CRIM1: variants seen among roughly 807,000 people sequenced by gnomAD.
CRIM1 encodes the protein cysteine rich transmembrane BMP regulator 1.
Under a neutral mutation model 116.4 loss-of-function variants are expected in CRIM1, and 32 were observed. The observed-to-expected ratio is 0.27, with a 90% CI of 0.21 to 0.37. The LOEUF (loss-of-function observed/expected upper bound fraction) is 0.37, where lower values mean the gene tolerates loss of function less well. Among genes scored for constraint, CRIM1 ranks in the 10% least tolerant of loss-of-function variants. CRIM1 has a pLI of 1.00. For missense variants in CRIM1, 1,331 were observed against 1,354.8 expected, an observed-to-expected ratio of 0.98 and a Z score of 0.28; for synonymous variants, 590 against 509.2, an observed-to-expected ratio of 1.16 and a Z score of -2.13.
At chr2:36,459,455 AC>A (rs763300915) in intron 4 of CRIM1, among the ~76,000 whole-genome samples, 6 of 152,136 alleles carry the variant, frequency 3.9e-5, no homozygotes, top group Non-Finnish European at 8.8e-5. Flanking sequence ...TTGGTTGGGT[AC>A]CTTTATCATT....
chr2:36,510,952 G>T (rs554605807), intron 9 of CRIM1, among the ~76,000 whole-genome samples: 95 of 145,454 alleles, frequency 6.5e-4, no homozygotes, highest in Non-Finnish European at 1.2e-3. Context: ...TTCAGGCAGG[G>T]TAGTGCTCTG....
Position 36,513,628 on chromosome 2 carries a change from A to G in CRIM1, c.1853A>G (p.Asn618Ser), listed in dbSNP as rs1011936164. ...ACCGTGGATGGTCATCATCATAAAA[A>G]TGAGGAGAGCTGGCACGATGGGTGC... ...CLTVDGHHHK[N>S]EESWHDGCRE... Residue 618 changes from asparagine to serine, a missense_variant, in exon 11 of 17, where the codon AAT becomes AGT. Coordinates refer to ENST00000280527, the MANE Select transcript of CRIM1 (RefSeq NM_016441.3). 1 of 1,614,062 alleles carries G rather than the reference A, an allele frequency of 6.2e-7. No homozygotes were observed. The highest frequency in any genetic ancestry group is 1.3e-5 in the African/African-American group (1 of 74,934).
chr2:36,436,646 CAG>C (rs1486788810), intron 2 of CRIM1, among the ~76,000 whole-genome samples: 4 of 152,026 alleles, frequency 2.6e-5, no homozygotes, highest in Non-Finnish European at 4.4e-5. Flanking sequence ...ATGTAATAAA[CAG>C]AGGATATATG....
intron 7 of CRIM1, among the ~76,000 whole-genome samples, chr2:36,495,937 C>CT (rs756501939): frequency 6.6e-6 from 1 of 152,096 alleles, no homozygotes; most frequent in African/African-American, 2.4e-5. Flanking sequence ...TCATGGAAAT[C>CT]TAACTACTCT....
chr2:36,485,638 A>G (rs1350435538), intron 7 of CRIM1, among the ~76,000 whole-genome samples: 1 of 152,180 alleles, frequency 6.6e-6, no homozygotes, highest in Non-Finnish European at 1.5e-5. Flanking sequence ...ACAGTATCTC[A>G]AATGATTAAG....
rs1375921446 is a variant in CRIM1 at position 36,513,773 on chromosome 2, C to T, written c.1990+8C>T. 3.1e-6 allele frequency: 5 copies of T among 1,612,606 alleles called. No individual in the cohort carries two copies. Among genetic ancestry groups the T allele is most frequent in the Admixed American group, 1.7e-5 (1 of 59,920 alleles). On this transcript the variant is annotated splice_region_variant and intron_variant, in intron 11 of 16. Transcript: ENST00000280527. ...GCTGCCCATCATGTGCAGGTAAAAG[C>T]TGGCTGCCATCTGTGTGCTCCATAA...
At chr2:36,430,382 A>G (rs1674790725) in intron 2 of CRIM1, among the ~76,000 whole-genome samples, 1 of 152,218 alleles carries the variant, frequency 6.6e-6, no homozygotes, top group Non-Finnish European at 1.5e-5. Context: ...CTATTTTGGT[A>G]GTTGAAGTTT....
In CRIM1 at chr2:36,512,269, C is replaced by A; in HGVS notation, c.1659-4C>A. 6.2e-7 allele frequency: 1 copy of A among 1,611,264 alleles called. No homozygotes were observed. ...TGACCTCTGACAAAATTTTAATTAC[C>A]CAGGAAGAATAAGCACGGCTGTGAC... On this transcript the variant is annotated splice_region_variant and splice_polypyrimidine_tract_variant and intron_variant, in intron 9 of 16. Coordinates refer to ENST00000280527, the MANE Select transcript of CRIM1 (RefSeq NM_016441.3).
intron 13 of CRIM1, 29 bp from the exon 14 acceptor site, chr2:36,537,323 A>T (rs1666619987): frequency 1.9e-6 from 3 of 1,605,530 alleles, no homozygotes; most frequent in African/African-American, 1.3e-5. Context: ...CACATCAGCG[A>T]CTCCATCATG....
At chr2:36,501,676 T>G (rs1035369283) in intron 8 of CRIM1, among the ~76,000 whole-genome samples, 1 of 152,148 alleles carries the variant, frequency 6.6e-6, no homozygotes, top group African/African-American at 2.4e-5. Context: ...TAGCTGTGAT[T>G]GTGCCACTGC....
At chr2:36,422,881 A>G (rs1017717312) in intron 2 of CRIM1, among the ~76,000 whole-genome samples, 35 of 152,148 alleles carry the variant, frequency 2.3e-4, no homozygotes, top group African/African-American at 8.0e-4. Context: ...TTTTGTTGTC[A>G]TGTTTCCTCA....
chr2:36,378,394 C>G (rs1226200116), intron 1 of CRIM1: 2 of 471,060 alleles, frequency 4.2e-6, no homozygotes, highest in South Asian at 3.1e-5. Context: ...CTCAGCATTA[C>G]TGCTCATCTC....
chr2:36,440,822 C>G (rs1416666946), intron 2 of CRIM1, among the ~76,000 whole-genome samples: 1 of 152,184 alleles, frequency 6.6e-6, no homozygotes, highest in Non-Finnish European at 1.5e-5. Context: ...CACATTGTCT[C>G]CAGTTTCTGA....
At chr2:36,482,869 A>C (rs1679525094) in intron 7 of CRIM1, among the ~76,000 whole-genome samples, 1 of 152,204 alleles carries the variant, frequency 6.6e-6, no homozygotes, top group Non-Finnish European at 1.5e-5. Flanking sequence ...GAAGAACCTT[A>C]TTGTGGCTGT....
chr2:36,415,984 G>T (rs1328454416), intron 2 of CRIM1, among the ~76,000 whole-genome samples: 1 of 152,196 alleles, frequency 6.6e-6, no homozygotes, highest in Non-Finnish European at 1.5e-5. Flanking sequence ...AAGGCACGCG[G>T]ATCACTTAAG....
chr2:36,506,479 T>G (rs1681433015), intron 8 of CRIM1, among the ~76,000 whole-genome samples: 1 of 152,170 alleles, frequency 6.6e-6, no homozygotes, highest in Non-Finnish European at 1.5e-5. Context: ...CACAGTGTGT[T>G]CTCCATGGAG....
chr2:36,471,374 G>C (rs1678499407), intron 5 of CRIM1, among the ~76,000 whole-genome samples: 1 of 152,132 alleles, frequency 6.6e-6, no homozygotes, highest in South Asian at 2.1e-4. Context: ...GGAAGAGTTA[G>C]TCAATGTGGC....
At chr2:36,509,960 A>T in intron 8 of CRIM1, 23 bp from the exon 9 acceptor site, 1 of 1,608,750 alleles carries the variant, frequency 6.2e-7, no homozygotes, top group Non-Finnish European at 8.5e-7. Flanking sequence ...TGGAAGAAAC[A>T]TGCCGTCTCT....
rs79625062 is a variant in CRIM1 at position 36,520,595 on chromosome 2, C to T, written c.2207-1497C>T. Among the ~76,000 whole-genome samples, 1,117 of 152,316 alleles carry T rather than the reference C, an allele frequency of 7.3e-3. 9 individuals carry two copies. Among genetic ancestry groups the T allele is most frequent in the African/African-American group, 0.025 (1,059 of 41,568 alleles). On this transcript the variant is annotated intron_variant, in intron 12 of 16. Transcript: ENST00000280527. ...TACCATGGAGCCGTGGAACCAATGGCTGTTCTTCAACTTATGCCTGCTGCC... is the reference window on the plus strand; with the variant it reads ...TACCATGGAGCCGTGGAACCAATGGTTGTTCTTCAACTTATGCCTGCTGCC...
Sources: allele counts gnomAD v4.1 joint callset (sites outside exome capture counted in the v4.1 genomes callset), GRCh38; gene constraint gnomAD v4.1.1; transcripts MANE v1.5; gene names NCBI Gene and HGNC (gene_info 2026-07-23, HGNC 2026-07-21).